The following INVS variants were observed in gnomAD, a reference collection of about 807,000 sequenced individuals.
The protein encoded by INVS is inversin.
A neutral mutation model predicts 108.8 loss-of-function variants in INVS; 86 were observed. That is an observed-to-expected ratio of 0.79 (90% CI 0.66 to 0.95). The LOEUF (loss-of-function observed/expected upper bound fraction) is 0.95, where lower values mean the gene tolerates loss of function less well. INVS is among the 40% of genes least tolerant of loss of function. The pLI, the probability that INVS is intolerant of heterozygous loss-of-function variation, is 0.00. For synonymous variants in INVS, 455 were observed against 473.5 expected (o/e 0.96, Z 0.51); for missense variants, 1,169 against 1,297.4 (o/e 0.90, Z 1.52).
At chr9:100,229,388 C>A (rs545156061) in intron 4 of INVS, among the ~76,000 whole-genome samples, 7 of 152,080 alleles carry the variant, frequency 4.6e-5, no homozygotes, top group African/African-American at 1.7e-4. Flanking sequence ...GGATTTGTGT[C>A]CCAGGTAGGA....
chr9:100,284,658 G>T, intron 13 of INVS, 55 bp downstream of exon 13: 1 of 1,571,568 alleles, frequency 6.4e-7, no homozygotes, highest in South Asian at 1.1e-5. Context: ...GGGCTTTTTT[G>T]ATTGGTGTAT....
chr9:100,139,946 A>T (rs1456629381), intron 3 of INVS, among the ~76,000 whole-genome samples: 1 of 152,214 alleles, frequency 6.6e-6, no homozygotes, highest in Non-Finnish European at 1.5e-5. Flanking sequence ...CCCAGACAAA[A>T]TAACCACTTT....
At chr9:100,219,881 G>A (rs1831093176) in intron 3 of INVS, among the ~76,000 whole-genome samples, 1 of 148,020 alleles carries the variant, frequency 6.8e-6, no homozygotes. Context: ...GTCGTTTATG[G>A]ATATATATAT....
intron 3 of INVS, among the ~76,000 whole-genome samples, chr9:100,204,438 T>A (rs1830619597): frequency 6.6e-6 from 1 of 152,232 alleles, no homozygotes; most frequent in Admixed American, 6.5e-5. Flanking sequence ...CACAGGTATC[T>A]ATCTCTTTAG....
At chr9:100,298,155 G>T in intron 16 of INVS, 145 bp downstream of exon 16, 1 of 1,543,136 alleles carries the variant, frequency 6.5e-7, no homozygotes. Flanking sequence ...TATTACTGTA[G>T]CCAACATCTG....
At chr9:100,103,364 T>G (rs1218826628) in intron 1 of INVS, among the ~76,000 whole-genome samples, 1 of 151,556 alleles carries the variant, frequency 6.6e-6, no homozygotes, top group Non-Finnish European at 1.5e-5. Context: ...TGGTGGCTTA[T>G]GCCTGTAATC....
intron 12 of INVS, among the ~76,000 whole-genome samples, chr9:100,283,563 G>C (rs1833341977): frequency 6.6e-6 from 1 of 152,142 alleles, no homozygotes; most frequent in African/African-American, 2.4e-5. Flanking sequence ...CCTTTGTCTT[G>C]AGTTAGGGGC....
chr9:100,284,826 T>C (rs1276536735), intron 13 of INVS, among the ~76,000 whole-genome samples: 3 of 152,144 alleles, frequency 2.0e-5, no homozygotes, highest in Non-Finnish European at 4.4e-5. Context: ...TCTTGATTGA[T>C]TTATGGTTTT....
At chr9:100,179,431 A>T (rs997232829) in intron 3 of INVS, among the ~76,000 whole-genome samples, 10 of 152,234 alleles carry the variant, frequency 6.6e-5, no homozygotes, top group African/African-American at 2.4e-4. Flanking sequence ...CTGAAAATAA[A>T]GGGATAGAGG....
chr9:100,216,341 C>G (rs778645958), intron 3 of INVS, among the ~76,000 whole-genome samples: 11 of 152,194 alleles, frequency 7.2e-5, no homozygotes, highest in Non-Finnish European at 1.3e-4. Context: ...CACTCAGTCT[C>G]CTGGAGCTGT....
At chr9:100,280,944 T>C (rs1833255983) in intron 12 of INVS, among the ~76,000 whole-genome samples, 1 of 152,124 alleles carries the variant, frequency 6.6e-6, no homozygotes, top group Non-Finnish European at 1.5e-5. Context: ...TTTTAAAAAT[T>C]AGCCTAAAAG....
At chr9:100,239,842 T>A (rs544908861) in intron 5 of INVS, among the ~76,000 whole-genome samples, 133 of 152,072 alleles carry the variant, frequency 8.7e-4, no homozygotes, top group Non-Finnish European at 1.0e-4. Flanking sequence ...TGTGGTGGGA[T>A]GTGCCTGTAG....
Position 100,242,640 on chromosome 9 carries a change from A to T in INVS, c.867A>T (p.Gly289=). ...GAACTATCCCATCTGACAGCCAAGG[A>T]GCCACACCTTTGCACTATGCTGCTC... ...KSGTIPSDSQ[G]ATPLHYAAQS... is the part of the protein sequence containing the mutation. Residue 289 remains glycine, a synonymous_variant, in exon 7 of 17, where the codon GGA becomes GGT. Coordinates refer to ENST00000262457, the MANE Select transcript of INVS (RefSeq NM_014425.5). The T allele has an allele frequency of 6.2e-7, 1 of 1,611,656 alleles. No homozygotes were observed. The highest frequency in any genetic ancestry group is 8.5e-7 in the Non-Finnish European group (1 of 1,177,886).
At chr9:100,150,364 G>T (rs1205278519) in intron 3 of INVS, among the ~76,000 whole-genome samples, 1 of 151,970 alleles carries the variant, frequency 6.6e-6, no homozygotes, top group Non-Finnish European at 1.5e-5. Context: ...ATAGATCAGA[G>T]ATCTCACAAG....
intron 14 of INVS, 133 bp downstream of exon 14, chr9:100,293,176 C>A: frequency 1.3e-6 from 1 of 767,714 alleles, no homozygotes; most frequent in Non-Finnish European, 2.3e-6. Context: ...TAGAGCCTAC[C>A]CATGAAATTC....
At chr9:100,255,342 C>T (rs1832382982) in intron 10 of INVS, among the ~76,000 whole-genome samples, 1 of 152,192 alleles carries the variant, frequency 6.6e-6, no homozygotes, top group Non-Finnish European at 1.5e-5. Flanking sequence ...TCTAAATATA[C>T]AATCATGTCA....
At chr9:100,262,518 C>T (rs1426996997) in intron 10 of INVS, among the ~76,000 whole-genome samples, 1 of 150,742 alleles carries the variant, frequency 6.6e-6, no homozygotes, top group African/African-American at 2.4e-5. Flanking sequence ...CACACATATT[C>T]CCTTATCTTT....
At position 100,246,695 on chromosome 9, in the gene INVS, C is replaced by T. The variant is rs1202806202; in HGVS notation, c.986C>T (p.Ala329Val). ...DLEGRTSFMW[A>V]AGKGSDDVLR... ...GAAGGAAGAACATCCTTTATGTGGG[C>T]AGCTGGCAAAGGCAGTGATGATGTC... The change falls in exon 8 of 17, where the codon GCA becomes GTA. Residue 329 changes from alanine to valine, a missense_variant. Transcript: ENST00000262457. 1 of 1,613,468 alleles carries T rather than the reference C, an allele frequency of 6.2e-7. No homozygotes were observed. Among genetic ancestry groups the T allele is most frequent in the Non-Finnish European group, 8.5e-7 (1 of 1,179,542 alleles).
intron 8 of INVS, 149 bp downstream of exon 8, chr9:100,246,936 C>A: frequency 4.0e-6 from 3 of 745,428 alleles, no homozygotes; most frequent in East Asian, 2.6e-5. Context: ...TTGGGTTTGC[C>A]AGGATGTCAC....
Sources: allele counts gnomAD v4.1 joint callset (sites outside exome capture counted in the v4.1 genomes callset), GRCh38; gene constraint gnomAD v4.1.1; transcripts MANE v1.5; gene names NCBI Gene and HGNC (gene_info 2026-07-23, HGNC 2026-07-21).